Variants in GRM8 observed in about 807,000 individuals in gnomAD.
The protein encoded by GRM8 is glutamate metabotropic receptor 8.
GRM8 carries 47 observed loss-of-function variants against 87.2 expected under a neutral mutation model. The ratio of observed to expected loss-of-function variants is 0.54; its 90% CI spans 0.43 to 0.69. GRM8 has a LOEUF of 0.69. Ranked by LOEUF, GRM8 falls within the 30% of genes least tolerant of loss-of-function variation. The pLI is 0.00. For synonymous variants in GRM8, 396 were observed against 404.5 expected, an observed-to-expected ratio of 0.98 and a Z score of 0.25; for missense variants, 1,019 against 1,139.2, an observed-to-expected ratio of 0.89 and a Z score of 1.52.
chr7:126,827,337 C>T (rs1439444741), intron 6 of GRM8, among the ~76,000 whole-genome samples: 1 of 152,014 alleles, frequency 6.6e-6, no homozygotes, highest in Non-Finnish European at 1.5e-5. Flanking sequence ...ATTTTCTTCC[C>T]ATCCATGAGG....
At chr7:127,212,684 TG>T (rs1394004330) in intron 2 of GRM8, among the ~76,000 whole-genome samples, 1 of 152,156 alleles carries the variant, frequency 6.6e-6, no homozygotes, top group African/African-American at 2.4e-5. Flanking sequence ...CCCAAAGTGC[TG>T]GGATTACAGG....
chr7:127,210,301 G>T (rs986882327), intron 2 of GRM8, among the ~76,000 whole-genome samples: 3 of 152,298 alleles, frequency 2.0e-5, no homozygotes, highest in Non-Finnish European at 4.4e-5. Context: ...AGTAAACAGT[G>T]ATACAGATTT....
chr7:126,466,744 C>A (rs1282682740), intron 9 of GRM8, among the ~76,000 whole-genome samples: 1 of 151,832 alleles, frequency 6.6e-6, no homozygotes, highest in Non-Finnish European at 1.5e-5. Context: ...TTGTTCTATT[C>A]AGGCCATCAA....
intron 7 of GRM8, among the ~76,000 whole-genome samples, chr7:126,694,846 T>G (rs138638022): frequency 3.2e-4 from 49 of 152,294 alleles, no homozygotes; most frequent in African/African-American, 1.2e-3. Context: ...GCAATTCTTG[T>G]TCAGCTCCAA....
chr7:126,594,318 C>T lies in GRM8; in HGVS notation c.1494+15044G>A, dbSNP rs114278325. Among the ~76,000 whole-genome samples, 588 of 152,010 alleles carry T rather than the reference C, an allele frequency of 3.9e-3. 4 individuals carry two copies. The highest frequency in any genetic ancestry group is 0.014 in the African/African-American group (568 of 41,504). On this transcript the variant is annotated intron_variant, in intron 8 of 10. Transcript: ENST00000339582. ...TCATTGTAGCATTATTCATGATAGT[C>T]AAGATGTAGAATCAACCTAAGTGTC...
intron 3 of GRM8, among the ~76,000 whole-genome samples, chr7:126,950,518 T>C (rs1252269213): frequency 6.6e-6 from 1 of 152,174 alleles, no homozygotes. Context: ...AGTATCGCTT[T>C]GAAATAAAGA....
At chr7:127,100,901 A>G (rs1011245057) in intron 3 of GRM8, among the ~76,000 whole-genome samples, 2 of 152,170 alleles carry the variant, frequency 1.3e-5, no homozygotes, top group South Asian at 2.1e-4. Flanking sequence ...TTCTCACCTT[A>G]GCAACCACCT....
intron 2 of GRM8, among the ~76,000 whole-genome samples, chr7:127,172,475 C>A (rs1793866313): frequency 1.3e-5 from 2 of 152,086 alleles, no homozygotes; most frequent in South Asian, 4.2e-4. Context: ...GAGGCCGAGG[C>A]AGGTGGATCA....
At chr7:126,972,627 A>G (rs1039571985) in intron 3 of GRM8, among the ~76,000 whole-genome samples, 2 of 152,184 alleles carry the variant, frequency 1.3e-5, no homozygotes, top group African/African-American at 4.8e-5. Flanking sequence ...TCAAACCAGG[A>G]TAATACAAGG....
intron 3 of GRM8, among the ~76,000 whole-genome samples, chr7:127,023,481 C>A (rs1022268691): frequency 5.9e-5 from 9 of 152,058 alleles, no homozygotes; most frequent in African/African-American, 2.2e-4. Context: ...TACTTTCCAA[C>A]TGTACATAAA....
intron 6 of GRM8, among the ~76,000 whole-genome samples, chr7:126,788,409 C>CAAAAAAAAAAAAAAA (rs67131936): frequency 0.027 from 287 of 10,780 alleles, 25 homozygotes; most frequent in African/African-American, 0.066. Flanking sequence ...GACTCCATCT[C>CAAAAAAAAAAAAAAA]AAAAAAAAAA....
rs1302695973 is a variant in GRM8 at position 127,242,940 on chromosome 7, C to T, written c.265G>A (p.Asp89Asn). Residue 89 changes from aspartate (D) to asparagine (N), a missense_variant, in exon 2 of 11, where the codon GAC (aspartate) becomes AAC (asparagine). Asp to Asn is a conservative substitution (Grantham distance 23, BLOSUM62 1). Coordinates refer to ENST00000339582, the MANE Select transcript of GRM8 (RefSeq NM_000845.3). ...MLYAIDQINK[D>N]PDLLSNITLG... ...GTGATGTTGGAAAGGAGATCAGGGTCCTTGTTAATCTGGTCAATTGCATAA... is the reference window on the plus strand; with the variant it reads ...GTGATGTTGGAAAGGAGATCAGGGTTCTTGTTAATCTGGTCAATTGCATAA... 1 of 1,614,134 alleles carries T rather than the reference C, an allele frequency of 6.2e-7. No individual in the cohort carries two copies. The highest frequency in any genetic ancestry group is 1.1e-5 in the South Asian group (1 of 91,082).
intron 1 of GRM8, chr7:127,250,940 C>T (rs1439653959): frequency 1.3e-5 from 2 of 152,222 alleles, no homozygotes; most frequent in Non-Finnish European, 2.9e-5. Flanking sequence ...TTTCTTGTAT[C>T]TCCACCACCA....
intron 3 of GRM8, among the ~76,000 whole-genome samples, chr7:127,077,200 A>G (rs1822371250): frequency 6.6e-6 from 1 of 152,090 alleles, no homozygotes; most frequent in Non-Finnish European, 1.5e-5. Context: ...GAGCTTCAAG[A>G]GGTCTTCAGA....
rs1442886410 is a variant in GRM8, at chr7:127,243,086, A to C, written c.119T>G (p.Ile40Arg). Residue 40 changes from isoleucine (I) to arginine (R), a missense_variant, in exon 2 of 11, where the codon ATA (isoleucine) becomes AGA (arginine). Ile to Arg is a moderately conservative substitution (Grantham distance 97). Coordinates refer to ENST00000339582, the MANE Select transcript of GRM8 (RefSeq NM_000845.3). The part of the protein sequence containing the change: ...RTHSQEYAHS[I>R]RVDGDIILGG... ...CAAAATAATGTCCCCATCCACCCGTATGGAATGGGCATACTCCTGGCTGTG... is the reference window on the plus strand; with the variant it reads ...CAAAATAATGTCCCCATCCACCCGTCTGGAATGGGCATACTCCTGGCTGTG... 1 of 1,613,834 alleles carries C rather than the reference A, an allele frequency of 6.2e-7. No homozygotes were observed. Among genetic ancestry groups the C allele is most frequent in the Non-Finnish European group, 8.5e-7 (1 of 1,179,896 alleles).
intron 6 of GRM8, among the ~76,000 whole-genome samples, chr7:126,804,310 C>T (rs552205963): frequency 2.6e-4 from 40 of 152,316 alleles, no homozygotes; most frequent in African/African-American, 8.2e-4. Context: ...CCAAATATTC[C>T]AAACATAACC....
chr7:126,946,024 C>T lies in GRM8; in HGVS notation c.728-41341G>A, dbSNP rs563869276. Among the ~76,000 whole-genome samples the T allele has an allele frequency of 3.3e-5, 5 of 152,316 alleles. No individual in the cohort carries two copies. The South Asian group carries it at 1.0e-3, about 32-fold the overall frequency. ...GAAGCCTCAATTAATGTCCTTCCTA[C>T]ATCCACACCCTTTGCCCTGTAATTT... On this transcript the variant is annotated intron_variant, in intron 3 of 10. Transcript: ENST00000339582.
chr7:126,547,542 A>G, intron 8 of GRM8, among the ~76,000 whole-genome samples: 1 of 151,992 alleles, frequency 6.6e-6, no homozygotes. Context: ...ATAATCTCAG[A>G]AATGAAGACT....
chr7:126,480,932 C>G (rs1806597030), intron 9 of GRM8, among the ~76,000 whole-genome samples: 1 of 151,920 alleles, frequency 6.6e-6, no homozygotes, highest in African/African-American at 2.4e-5. Flanking sequence ...CGGGAAAATA[C>G]AAGATGAACC....
Sources: gnomAD v4.1 joint callset for allele counts (sites outside exome capture counted in the v4.1 genomes callset) on GRCh38, gnomAD v4.1.1 for gene constraint, MANE v1.5 for transcripts, NCBI Gene and HGNC (gene_info 2026-07-23, HGNC 2026-07-21) for gene names.